ANKS1B: variants seen among roughly 807,000 people sequenced by gnomAD.
ANKS1B encodes the protein ankyrin repeat and sterile alpha motif domain-containing protein 1B.
ANKS1B carries 36 observed loss-of-function variants against 148.3 expected under a neutral mutation model. The ratio of observed to expected loss-of-function variants is 0.24; its 90% CI spans 0.19 to 0.32. The LOEUF is 0.32. Ranked by LOEUF, ANKS1B falls within the 10% of genes least tolerant of loss-of-function variation. ANKS1B has a pLI of 1.00. For missense variants in ANKS1B, 1,157 were observed against 1,542.6 expected (o/e 0.75, Z 4.19); for synonymous variants, 542 against 560.8 (o/e 0.97, Z 0.47).
intron 16 of ANKS1B, among the ~76,000 whole-genome samples, chr12:99,077,112 T>G (rs1043318145): frequency 6.6e-6 from 1 of 152,158 alleles, no homozygotes; most frequent in Non-Finnish European, 1.5e-5. Flanking sequence ...GTGGAGCTTG[T>G]AAGAACCCTG....
chr12:98,973,176 T>A (rs1156448884), intron 17 of ANKS1B, among the ~76,000 whole-genome samples: 1 of 151,308 alleles, frequency 6.6e-6, no homozygotes, highest in African/African-American at 2.4e-5. Flanking sequence ...TCTTGTAAGT[T>A]GGGTATTATT....
chr12:99,619,053 T>A (rs1017223885), intron 9 of ANKS1B, among the ~76,000 whole-genome samples: 7 of 152,202 alleles, frequency 4.6e-5, no homozygotes, highest in Non-Finnish European at 8.8e-5. Context: ...GGTGACCTGC[T>A]GTGTGTGTGC....
intron 12 of ANKS1B, among the ~76,000 whole-genome samples, chr12:99,295,283 C>T (rs573380187): frequency 6.6e-6 from 1 of 152,138 alleles, no homozygotes; most frequent in Non-Finnish European, 1.5e-5. Flanking sequence ...TAAATATTAG[C>T]CCAATGGCTA....
chr12:98,952,606 G>A (rs1281337682), intron 17 of ANKS1B, among the ~76,000 whole-genome samples: 1 of 152,090 alleles, frequency 6.6e-6, no homozygotes, highest in Non-Finnish European at 1.5e-5. Flanking sequence ...CTGCCTCGTG[G>A]TTTCAATGAT....
At chr12:99,840,623 G>A (rs1030350181) in intron 1 of ANKS1B, among the ~76,000 whole-genome samples, 6 of 152,050 alleles carry the variant, frequency 3.9e-5, no homozygotes, top group Non-Finnish European at 5.9e-5. Flanking sequence ...AGAATTTGCT[G>A]ACAAATTGTG....
chr12:99,470,671 C>T (rs908996761), intron 10 of ANKS1B, among the ~76,000 whole-genome samples: 1 of 152,220 alleles, frequency 6.6e-6, no homozygotes. Flanking sequence ...CTTAGGCACA[C>T]ATGCAATATA....
At chr12:99,641,818 A>C (rs748180602) in intron 9 of ANKS1B, among the ~76,000 whole-genome samples, 6 of 152,190 alleles carry the variant, frequency 3.9e-5, no homozygotes, top group Non-Finnish European at 7.4e-5. Flanking sequence ...AACAGTAGAC[A>C]CTATACACCC....
At chr12:99,369,845 GAGACAGATAGAT>G (rs935259210) in intron 12 of ANKS1B, among the ~76,000 whole-genome samples, 1 of 134,760 alleles carries the variant, frequency 7.4e-6, no homozygotes, top group African/African-American at 2.8e-5. Context: ...CAGACAGACA[GAGACAGATAGAT>G]AGATAGATAG....
At chr12:99,772,861 G>C (rs1253521898) in intron 8 of ANKS1B, 61 bp downstream of exon 8, 1 of 1,507,696 alleles carries the variant, frequency 6.6e-7, no homozygotes, top group Admixed American at 2.0e-5. Context: ...TACCTCTTAA[G>C]TGTACACACT....
Position 98,860,666 on chromosome 12 carries a change from T to G in ANKS1B, c.2779-28530A>C, listed in dbSNP as rs539621639. The stretch of plus-strand genomic sequence containing the variant: ...TGTGTTAGTTTGCTGAGGATACTGG[T>G]TTCCAGCTCCATCCATGGACACAGG... On this transcript the variant is annotated intron_variant, in intron 17 of 26. Transcript: ENST00000683438. 1.2e-4 allele frequency among the ~76,000 whole-genome samples: 18 copies of G among 152,256 alleles called. No homozygotes were observed. In the East Asian group the frequency reaches 3.5e-3, roughly 29 times the overall value.
intron 17 of ANKS1B, among the ~76,000 whole-genome samples, chr12:99,019,392 A>G (rs2099944437): frequency 1.3e-5 from 2 of 152,324 alleles, no homozygotes; most frequent in Middle Eastern, 3.4e-3. Flanking sequence ...GATACAGGGC[A>G]TTGAGGGGAT....
intron 8 of ANKS1B, among the ~76,000 whole-genome samples, chr12:99,733,025 A>T (rs1437676450): frequency 6.6e-6 from 1 of 152,134 alleles, no homozygotes. Context: ...CTCATTAAAA[A>T]AAAAAAGAGC....
intron 9 of ANKS1B, among the ~76,000 whole-genome samples, chr12:99,592,085 G>A (rs1043914944): frequency 1.3e-5 from 2 of 152,106 alleles, no homozygotes; most frequent in African/African-American, 4.8e-5. Context: ...AGTACAGCAT[G>A]CTATTATACT....
chr12:99,037,503 A>G (rs2153478809), intron 17 of ANKS1B, among the ~76,000 whole-genome samples: 1 of 152,048 alleles, frequency 6.6e-6, no homozygotes, highest in East Asian at 1.9e-4. Flanking sequence ...CTGTCTCAAA[A>G]AAAAAAAAAA....
chr12:99,648,715 A>G, intron 9 of ANKS1B: 1 of 1,614,086 alleles, frequency 6.2e-7, no homozygotes, highest in Non-Finnish European at 8.5e-7. Flanking sequence ...GGAGGCTTAC[A>G]GTGATACCAG....
At chr12:99,135,545 C>G (rs2067742165) in intron 15 of ANKS1B, among the ~76,000 whole-genome samples, 1 of 152,166 alleles carries the variant, frequency 6.6e-6, no homozygotes, top group African/African-American at 2.4e-5. Flanking sequence ...GAAACAACGT[C>G]AGACTCCTCA....
At chr12:99,432,979 G>A (rs1220046639) in intron 11 of ANKS1B, among the ~76,000 whole-genome samples, 2 of 152,136 alleles carry the variant, frequency 1.3e-5, no homozygotes, top group Admixed American at 1.3e-4. Context: ...GGTTGAGCAG[G>A]TGAATAACGT....
chr12:99,882,378 T>C (rs765201628), intron 1 of ANKS1B, among the ~76,000 whole-genome samples: 3 of 152,062 alleles, frequency 2.0e-5, no homozygotes, highest in Non-Finnish European at 2.9e-5. Context: ...CTGACCAAAT[T>C]TGCCAAATGA....
intron 1 of ANKS1B, among the ~76,000 whole-genome samples, chr12:99,944,189 G>C (rs2094994956): frequency 6.6e-6 from 1 of 152,196 alleles, no homozygotes; most frequent in South Asian, 2.1e-4. Context: ...CCAGAATTAA[G>C]TGAGAGGGGC....
Sources: allele counts gnomAD v4.1 joint callset (sites outside exome capture counted in the v4.1 genomes callset), GRCh38; gene constraint gnomAD v4.1.1; transcripts MANE v1.5; gene names NCBI Gene and HGNC (gene_info 2026-07-23, HGNC 2026-07-21).